The following PRKAR2B variants were observed in gnomAD, a reference collection of about 807,000 sequenced individuals.
PRKAR2B encodes the protein cAMP-dependent protein kinase type II-beta regulatory subunit.
In PRKAR2B, 14 loss-of-function variants were observed where a neutral mutation model predicts 49.9. That is an observed-to-expected ratio of 0.28 (90% CI 0.19 to 0.44). The LOEUF is 0.44. PRKAR2B is among the 20% of genes least tolerant of loss of function. PRKAR2B has a pLI of 1.00. For synonymous variants in PRKAR2B, 196 were observed against 197.7 expected (o/e 0.99, Z 0.07); for missense variants, 393 against 537.9 (o/e 0.73, Z 2.67).
chr7:107,156,909 G>A lies in PRKAR2B; in HGVS notation c.919-75G>A, dbSNP rs539832025. The A allele has an allele frequency of 7.9e-6, 10 of 1,265,122 alleles. No individual in the cohort carries two copies. In the East Asian group the frequency reaches 1.2e-4, roughly 15 times the overall value. 78.4% of individuals were successfully genotyped at this position (1,265,122 alleles called of 1,614,324 possible). A position where few individuals can be genotyped will look rare whatever the true frequency, so the allele number is the denominator to read the frequency against. On this transcript the variant is annotated intron_variant, in intron 8 of 10. Transcript: ENST00000265717. Reference sequence around the variant, plus strand: ...TACTTTGGGGTTGGATCAATTTTAGGGATATGAAAGGTAACAAGATTGTTG... The same window carrying A: ...TACTTTGGGGTTGGATCAATTTTAGAGATATGAAAGGTAACAAGATTGTTG...
intron 1 of PRKAR2B, among the ~76,000 whole-genome samples, chr7:107,062,469 A>T (rs1794043613): frequency 6.6e-6 from 1 of 152,206 alleles, no homozygotes; most frequent in African/African-American, 2.4e-5. Flanking sequence ...GAACAGTACG[A>T]ATTAATCTTA....
chr7:107,059,015 G>A (rs1336215826), intron 1 of PRKAR2B, among the ~76,000 whole-genome samples: 1 of 152,170 alleles, frequency 6.6e-6, no homozygotes, highest in Non-Finnish European at 1.5e-5. Flanking sequence ...GCCACGCACG[G>A]TGGCTCACGC....
chr7:107,106,722 C>T (rs778493640), intron 2 of PRKAR2B, among the ~76,000 whole-genome samples: 2 of 151,968 alleles, frequency 1.3e-5, no homozygotes, highest in East Asian at 3.9e-4. Context: ...CTGTAAAAGC[C>T]GGAGGGGTGT....
chr7:107,119,554 T>C (rs549559921), intron 2 of PRKAR2B, among the ~76,000 whole-genome samples: 31 of 152,324 alleles, frequency 2.0e-4, no homozygotes, highest in Admixed American at 5.9e-4. Flanking sequence ...GTAGATATCC[T>C]TGTGTTCTCT....
chr7:107,045,888 G>A (rs1163121804), intron 1 of PRKAR2B, among the ~76,000 whole-genome samples: 1 of 152,184 alleles, frequency 6.6e-6, no homozygotes, highest in Non-Finnish European at 1.5e-5. Flanking sequence ...GAGGAAATGG[G>A]TTAATGGTTT....
intron 8 of PRKAR2B, among the ~76,000 whole-genome samples, chr7:107,155,591 T>A: frequency 6.6e-6 from 1 of 152,208 alleles, no homozygotes; most frequent in Admixed American, 6.5e-5. Context: ...TTTCTCATTA[T>A]GGTTTTGATT....
intron 1 of PRKAR2B, among the ~76,000 whole-genome samples, chr7:107,060,635 C>G (rs1794010794): frequency 9.1e-6 from 1 of 110,174 alleles, no homozygotes; most frequent in South Asian, 3.4e-4. Context: ...TTCCTCTCTT[C>G]CTTCCTTCCT....
At chr7:107,063,236 A>T (rs549594518) in intron 1 of PRKAR2B, among the ~76,000 whole-genome samples, 11 of 152,284 alleles carry the variant, frequency 7.2e-5, no homozygotes, top group African/African-American at 2.2e-4. Flanking sequence ...GCCTCATGTG[A>T]TCTGCCCACC....
At chr7:107,101,624 A>G (rs917589465) in intron 2 of PRKAR2B, among the ~76,000 whole-genome samples, 1 of 152,014 alleles carries the variant, frequency 6.6e-6, no homozygotes, top group South Asian at 2.1e-4. Context: ...CTAAGCTTCT[A>G]CCCTTCCTGC....
intron 2 of PRKAR2B, among the ~76,000 whole-genome samples, chr7:107,096,799 T>A (rs1209036713): frequency 6.6e-6 from 1 of 152,208 alleles, no homozygotes; most frequent in Non-Finnish European, 1.5e-5. Flanking sequence ...GGTTGTTCGG[T>A]TTCCATGTAG....
Position 107,159,772 on chromosome 7 carries a change from T to C in PRKAR2B, c.*190T>C, listed in dbSNP as rs1339395385. ...GGCTTTAACATCACTTTCTAAAGAG[T>C]AGTTCATAAAAAAATCAACATACTG... On this transcript the variant is annotated 3_prime_UTR_variant, in exon 11 of 11. Transcript: ENST00000265717. 4.0e-6 allele frequency: 2 copies of C among 498,816 alleles called. No individual in the cohort carries two copies. The highest frequency in any genetic ancestry group is 3.8e-5 in the Admixed American group (1 of 26,556). 30.9% of individuals were successfully genotyped at this position (498,816 alleles called of 1,614,324 possible).
At chr7:107,099,585 C>T (rs1366312221) in intron 2 of PRKAR2B, among the ~76,000 whole-genome samples, 1 of 152,102 alleles carries the variant, frequency 6.6e-6, no homozygotes, top group Non-Finnish European at 1.5e-5. Context: ...GCGTTGCTCA[C>T]CCTGGGAGCT....
chr7:107,137,984 C>T (rs1795728718), intron 4 of PRKAR2B, among the ~76,000 whole-genome samples: 1 of 151,904 alleles, frequency 6.6e-6, no homozygotes, highest in Non-Finnish European at 1.5e-5. Context: ...TGTTTTCAGA[C>T]CAAAATTTTC....
intron 5 of PRKAR2B, among the ~76,000 whole-genome samples, chr7:107,144,111 T>C (rs952387268): frequency 4.6e-5 from 7 of 150,796 alleles, no homozygotes; most frequent in African/African-American, 1.7e-4. Flanking sequence ...TGAGGCGGAG[T>C]CTTGCTCTTG....
At position 107,161,686 on chromosome 7, in the gene PRKAR2B, C is replaced by T. The variant is rs1186025745; in HGVS notation, c.*2104C>T. 2 of 152,188 alleles carry T rather than the reference C, an allele frequency of 1.3e-5. No homozygotes were observed. The highest frequency in any genetic ancestry group is 2.4e-5 in the African/African-American group (1 of 41,416). 9.4% of individuals were successfully genotyped at this position (152,188 alleles called of 1,614,324 possible). A position where few individuals can be genotyped will look rare whatever the true frequency, so the allele number is the denominator to read the frequency against. ...TAGGTTTTTAAAATTATTAGCTATT[C>T]ATCATGTGTGGGAGAAATAATTGTG... is the stretch of plus-strand genomic sequence containing the variant. On this transcript the variant is annotated 3_prime_UTR_variant, in exon 11 of 11. Transcript: ENST00000265717.
chr7:107,120,483 T>C (rs1795367773), intron 2 of PRKAR2B, among the ~76,000 whole-genome samples: 1 of 152,216 alleles, frequency 6.6e-6, no homozygotes, highest in African/African-American at 2.4e-5. Flanking sequence ...ATACTACTTT[T>C]GATGCCACCC....
At chr7:107,143,520 T>C (rs985512470) in intron 5 of PRKAR2B, among the ~76,000 whole-genome samples, 1 of 152,246 alleles carries the variant, frequency 6.6e-6, no homozygotes, top group Non-Finnish European at 1.5e-5. Context: ...GCTACTATGC[T>C]GCTTAGTTGC....
Position 107,109,295 on chromosome 7 carries a change from T to C in PRKAR2B, c.344-12657T>C, listed in dbSNP as rs528348064. On this transcript the variant is annotated intron_variant, in intron 2 of 10. Coordinates refer to ENST00000265717, the MANE Select transcript of PRKAR2B (RefSeq NM_002736.3). ...TTTTTTAAGAGACAGGTTTTCACTT[T>C]GTTGCCCAGGCTGGTGTGCAGTGAC... 3.3e-5 allele frequency among the ~76,000 whole-genome samples: 5 copies of C among 152,272 alleles called. No homozygotes were observed. In the East Asian group the frequency reaches 9.6e-4, roughly 29 times the overall value.
At chr7:107,068,117 A>G (rs183023483) in intron 1 of PRKAR2B, among the ~76,000 whole-genome samples, 1 of 152,306 alleles carries the variant, frequency 6.6e-6, no homozygotes, top group East Asian at 1.9e-4. Context: ...TTTAGAAAAC[A>G]TCTTCTAGAT....
Sources: allele counts gnomAD v4.1 joint callset (sites outside exome capture counted in the v4.1 genomes callset), GRCh38; gene constraint gnomAD v4.1.1; transcripts MANE v1.5; gene names NCBI Gene and HGNC (gene_info 2026-07-23, HGNC 2026-07-21).